The following B3GALT1 variants were observed in gnomAD, a reference collection of about 807,000 sequenced individuals.
B3GALT1 encodes the protein beta-1,3-galactosyltransferase 1, also known as UDP-Gal:betaGlcNAc beta 1,3-galactosyltransferase, polypeptide 1.
Under a neutral mutation model 23.2 loss-of-function variants are expected in B3GALT1, and 10 were observed. The observed-to-expected ratio is 0.43, with a 90% CI of 0.27 to 0.73. The LOEUF (loss-of-function observed/expected upper bound fraction) is 0.73. B3GALT1 is among the 30% of genes least tolerant of loss of function. B3GALT1 has a pLI of 0.21. For synonymous variants in B3GALT1, 156 were observed against 141.5 expected (o/e 1.10, Z -0.73); for missense variants, 299 against 405.4 (o/e 0.74, Z 2.25).
rs1268556005 is a variant in B3GALT1 at position 167,306,546 on chromosome 2, T to A, written c.-511+13212T>A. On this transcript the variant is annotated intron_variant, in intron 1 of 4. Transcript: ENST00000392690. ...AATATTTTGCACTGAATATTAGTCA[T>A]GGTTTTTGATAGTTTTAACTTATTT... Among the ~76,000 whole-genome samples, 4 of 152,004 alleles carry A rather than the reference T, an allele frequency of 2.6e-5. No individual in the cohort carries two copies. The East Asian group carries it at 7.7e-4, about 29-fold the overall frequency.
At chr2:167,760,261 G>T (rs920978376) in intron 3 of B3GALT1, among the ~76,000 whole-genome samples, 1 of 152,148 alleles carries the variant, frequency 6.6e-6, no homozygotes, top group Non-Finnish European at 1.5e-5. Context: ...TAAAGTAAAA[G>T]GTCCCCTGAA....
At chr2:167,398,162 C>T (rs1698126267) in intron 1 of B3GALT1, among the ~76,000 whole-genome samples, 2 of 152,146 alleles carry the variant, frequency 1.3e-5, no homozygotes, top group Non-Finnish European at 1.5e-5. Context: ...TTGTTTCAGT[C>T]TCTCAGGATA....
chr2:167,565,041 A>G (rs1684128360), intron 2 of B3GALT1, among the ~76,000 whole-genome samples: 1 of 152,212 alleles, frequency 6.6e-6, no homozygotes, highest in African/African-American at 2.4e-5. Context: ...AAGAGCCCGC[A>G]TTGCCAAGTC....
intron 2 of B3GALT1, among the ~76,000 whole-genome samples, chr2:167,628,806 A>T (rs1050032144): frequency 6.6e-6 from 1 of 151,728 alleles, no homozygotes; most frequent in Non-Finnish European, 1.5e-5. Context: ...TGTAAGCAGT[A>T]AAGGCCTATA....
chr2:167,512,558 A>ATC, intron 2 of B3GALT1, among the ~76,000 whole-genome samples: 1 of 85,608 alleles, frequency 1.2e-5, no homozygotes, highest in East Asian at 1.3e-3. Context: ...ATATATATGT[A>ATC]TATATATATG....
At chr2:167,839,174 C>A (rs1177682469) in intron 4 of B3GALT1, among the ~76,000 whole-genome samples, 1 of 152,052 alleles carries the variant, frequency 6.6e-6, no homozygotes, top group Admixed American at 6.5e-5. Flanking sequence ...GAAGTTCTGG[C>A]CAGGGCAATT....
intron 2 of B3GALT1, among the ~76,000 whole-genome samples, chr2:167,598,532 G>A (rs1653432): frequency 0.8 from 122,321 of 152,026 alleles, 49,287 homozygotes; most frequent in Admixed American, 0.87. Flanking sequence ...AATTATCCCA[G>A]AAAAACCTCA....
At chr2:167,437,639 A>G (rs1318180314) in intron 1 of B3GALT1, among the ~76,000 whole-genome samples, 2 of 152,232 alleles carry the variant, frequency 1.3e-5, no homozygotes, top group Admixed American at 6.5e-5. Flanking sequence ...TGAAATTTTG[A>G]GGCCCTGGCT....
intron 1 of B3GALT1, among the ~76,000 whole-genome samples, chr2:167,382,582 T>A (rs912631344): frequency 6.6e-6 from 1 of 152,152 alleles, no homozygotes; most frequent in Non-Finnish European, 1.5e-5. Context: ...TGGAAATCAG[T>A]ACTTTTCAAA....
At chr2:167,376,949 CT>C (rs763690095) in intron 1 of B3GALT1, among the ~76,000 whole-genome samples, 3 of 152,050 alleles carry the variant, frequency 2.0e-5, no homozygotes, top group Non-Finnish European at 2.9e-5. Flanking sequence ...AATTTGAGAT[CT>C]TTCTAACTTT....
chr2:167,534,710 A>T (rs1013695658), intron 2 of B3GALT1, among the ~76,000 whole-genome samples: 4 of 152,222 alleles, frequency 2.6e-5, no homozygotes, highest in African/African-American at 7.2e-5. Context: ...ATGAAGAGAA[A>T]GTATATAGAT....
At chr2:167,552,917 T>C (rs531576023) in intron 2 of B3GALT1, among the ~76,000 whole-genome samples, 1 of 152,310 alleles carries the variant, frequency 6.6e-6, no homozygotes, top group South Asian at 2.1e-4. Flanking sequence ...TCCTTAAATT[T>C]CTCCATTGGT....
At chr2:167,858,364 A>AT (rs1482875737) in intron 4 of B3GALT1, among the ~76,000 whole-genome samples, 1 of 151,328 alleles carries the variant, frequency 6.6e-6, no homozygotes, top group Admixed American at 6.6e-5. Flanking sequence ...AAAAAAAAAA[A>AT]CTGCTTTTGC....
intron 1 of B3GALT1, among the ~76,000 whole-genome samples, chr2:167,412,275 A>G (rs1416536530): frequency 6.6e-6 from 1 of 152,214 alleles, no homozygotes; most frequent in Admixed American, 6.5e-5. Context: ...TCATAATAAC[A>G]AATTTCTATT....
intron 1 of B3GALT1, among the ~76,000 whole-genome samples, chr2:167,387,315 A>G (rs1697944005): frequency 6.6e-6 from 1 of 152,340 alleles, no homozygotes; most frequent in East Asian, 1.9e-4. Context: ...GTTGGGAAAA[A>G]TCTAATAAAA....
intron 3 of B3GALT1, chr2:167,713,861 A>G (rs1687101335): frequency 1.8e-5 from 29 of 1,591,038 alleles, no homozygotes; most frequent in Non-Finnish European, 2.3e-5. Context: ...ATCCCTTGAT[A>G]GAAAATAACC....
chr2:167,668,264 G>A (rs1374657182), intron 3 of B3GALT1, among the ~76,000 whole-genome samples: 2 of 152,102 alleles, frequency 1.3e-5, no homozygotes, highest in Admixed American at 1.3e-4. Context: ...AGGCTTCTCG[G>A]AGGTCAGGGG....
intron 1 of B3GALT1, among the ~76,000 whole-genome samples, chr2:167,305,261 T>C (rs1696531879): frequency 6.6e-6 from 1 of 152,186 alleles, no homozygotes; most frequent in African/African-American, 2.4e-5. Context: ...TATATTTTGC[T>C]TCCTGATTTT....
intron 3 of B3GALT1, among the ~76,000 whole-genome samples, chr2:167,656,956 G>A (rs989647562): frequency 1.3e-5 from 2 of 152,076 alleles, no homozygotes; most frequent in Admixed American, 6.6e-5. Context: ...CCACAGTGAA[G>A]AAGCCAGAGC....
Sources: gnomAD v4.1 joint callset for allele counts (sites outside exome capture counted in the v4.1 genomes callset) on GRCh38, gnomAD v4.1.1 for gene constraint, MANE v1.5 for transcripts, NCBI Gene and HGNC (gene_info 2026-07-23, HGNC 2026-07-21) for gene names.